RASAL2: variants seen among roughly 807,000 people sequenced by gnomAD.
The protein encoded by RASAL2 is RAS protein activator like 2, also known as ras GTPase-activating protein nGAP.
Under a neutral mutation model 128.9 loss-of-function variants are expected in RASAL2, and 58 were observed. The ratio of observed to expected loss-of-function variants is 0.45; its 90% CI spans 0.36 to 0.56. RASAL2 has a LOEUF of 0.56. Ranked by LOEUF, RASAL2 falls within the 20% of genes least tolerant of loss-of-function variation. The pLI, the probability that RASAL2 is intolerant of heterozygous loss-of-function variation, is 0.00. For missense variants in RASAL2, 1,360 were observed against 1,601.6 expected, an observed-to-expected ratio of 0.85 and a Z score of 2.57; for synonymous variants, 561 against 580.8, an observed-to-expected ratio of 0.97 and a Z score of 0.49.
At chr1:178,298,594 A>T (rs1030840210) in intron 2 of RASAL2, among the ~76,000 whole-genome samples, 4 of 152,196 alleles carry the variant, frequency 2.6e-5, no homozygotes, top group African/African-American at 9.7e-5. Flanking sequence ...TACCTGTCCT[A>T]CTTTTGCTGG....
intron 1 of RASAL2, among the ~76,000 whole-genome samples, chr1:178,259,875 C>T (rs954583654): frequency 1.3e-5 from 2 of 152,076 alleles, no homozygotes; most frequent in Admixed American, 6.5e-5. Flanking sequence ...GTTTTGATAT[C>T]ACTAGTGATG....
intron 3 of RASAL2, among the ~76,000 whole-genome samples, chr1:178,371,322 C>CCACACACACACACA (rs370972772): frequency 0.054 from 6,725 of 124,266 alleles, 200 homozygotes; most frequent in South Asian, 0.089. Context: ...GCCTTCTTTC[C>CCACACACACACACA]CACACACACA....
Position 178,341,603 on chromosome 1 carries a change from C to A in RASAL2, c.457+41485C>A, listed in dbSNP as rs149565927. The A allele has an allele frequency of 6.3e-5, 102 of 1,613,900 alleles. No individual in the cohort carries two copies. In the African/African-American group the frequency reaches 1.3e-3, roughly 21 times the overall value. ...ACCCAGAAACTTCACACGATGCAGACCCCAGGTAAGAGTTTGTAGAGTCTG... is the reference window on the plus strand; with the variant it reads ...ACCCAGAAACTTCACACGATGCAGAACCCAGGTAAGAGTTTGTAGAGTCTG... On this transcript the variant is annotated intron_variant, in intron 3 of 17. Coordinates refer to ENST00000367649, the MANE Select transcript of RASAL2 (RefSeq NM_170692.4).
Position 178,255,644 on chromosome 1 carries a change from A to G in RASAL2, c.203-27920A>G, listed in dbSNP as rs74128896. Among the ~76,000 whole-genome samples the G allele has an allele frequency of 5.5e-3, 844 of 152,232 alleles. 11 individuals are homozygous for G. Among genetic ancestry groups the G allele is most frequent in the African/African-American group, 0.019 (792 of 41,584 alleles). ...TTAGAACAAATCTGAAGATGATTCT[A>G]GTGAGATATGTATGGTAAGCCATAG... On this transcript the variant is annotated intron_variant, in intron 1 of 17. Coordinates refer to ENST00000367649, the MANE Select transcript of RASAL2 (RefSeq NM_170692.4).
intron 5 of RASAL2, among the ~76,000 whole-genome samples, chr1:178,423,895 T>C (rs1032781142): frequency 6.6e-6 from 1 of 152,160 alleles, no homozygotes; most frequent in African/African-American, 2.4e-5. Flanking sequence ...AGTAAGCCAC[T>C]ACTATGCATG....
At chr1:178,318,640 T>G (rs1468110435) in intron 3 of RASAL2, among the ~76,000 whole-genome samples, 1 of 151,476 alleles carries the variant, frequency 6.6e-6, no homozygotes, top group African/African-American at 2.4e-5. Context: ...GTTTTCCATT[T>G]GCTTGGTAGA....
intron 3 of RASAL2, among the ~76,000 whole-genome samples, chr1:178,362,209 T>C (rs1179565373): frequency 6.6e-6 from 1 of 152,174 alleles, no homozygotes; most frequent in African/African-American, 2.4e-5. Flanking sequence ...TGATTTAAAG[T>C]ACATGGAAGG....
At chr1:178,289,128 A>C (rs1667164674) in intron 2 of RASAL2, among the ~76,000 whole-genome samples, 1 of 152,144 alleles carries the variant, frequency 6.6e-6, no homozygotes, top group Admixed American at 6.5e-5. Context: ...TCACTGCCAG[A>C]ATTGTGCTTG....
intron 1 of RASAL2, among the ~76,000 whole-genome samples, chr1:178,155,112 C>T (rs933695062): frequency 4.6e-5 from 7 of 152,044 alleles, no homozygotes; most frequent in East Asian, 1.9e-4. Flanking sequence ...CGTGAGCCAC[C>T]GCGCCTGGCC....
chr1:178,314,165 G>A (rs1015309844), intron 3 of RASAL2, among the ~76,000 whole-genome samples: 9 of 152,080 alleles, frequency 5.9e-5, no homozygotes, highest in African/African-American at 2.2e-4. Flanking sequence ...ATTCCACATA[G>A]GTCTCTTGTA....
chr1:178,424,208 A>T (rs746089743), intron 5 of RASAL2, among the ~76,000 whole-genome samples: 5 of 151,944 alleles, frequency 3.3e-5, no homozygotes, highest in Non-Finnish European at 7.4e-5. Context: ...GAAATCTTCA[A>T]AGTGTTGTGG....
intron 1 of RASAL2, among the ~76,000 whole-genome samples, chr1:178,199,570 G>C (rs1394535093): frequency 6.6e-6 from 1 of 152,212 alleles, no homozygotes; most frequent in Non-Finnish European, 1.5e-5. Flanking sequence ...GTTAAATGCT[G>C]ATAAATTCAT....
chr1:178,396,684 A>G (rs1673252484), intron 4 of RASAL2, among the ~76,000 whole-genome samples: 1 of 152,140 alleles, frequency 6.6e-6, no homozygotes, highest in South Asian at 2.1e-4. Flanking sequence ...CAATGCCAGT[A>G]GCATTCCACT....
intron 4 of RASAL2, among the ~76,000 whole-genome samples, chr1:178,396,562 A>T (rs548675170): frequency 7.9e-5 from 12 of 152,008 alleles, no homozygotes; most frequent in Non-Finnish European, 1.6e-4. Context: ...AAATATATAT[A>T]TATATTTTGG....
intron 1 of RASAL2, among the ~76,000 whole-genome samples, chr1:178,227,475 A>T (rs1663835521): frequency 6.6e-6 from 1 of 152,198 alleles, no homozygotes; most frequent in South Asian, 2.1e-4. Context: ...ACTTTGTAAA[A>T]ATCCCCTTAC....
chr1:178,444,564 A>G (rs1676870945), intron 8 of RASAL2, among the ~76,000 whole-genome samples: 1 of 152,234 alleles, frequency 6.6e-6, no homozygotes, highest in Non-Finnish European at 1.5e-5. Context: ...ATATGATGTT[A>G]TCACATTCAA....
chr1:178,451,478 A>G, intron 9 of RASAL2, 93 bp from the exon 10 acceptor site: 2 of 1,318,040 alleles, frequency 1.5e-6, no homozygotes, highest in Admixed American at 2.4e-5. Flanking sequence ...AGAATTCCCC[A>G]TTATACGTTT....
chr1:178,115,614 G>A (rs1239495036), intron 1 of RASAL2, among the ~76,000 whole-genome samples: 1 of 152,258 alleles, frequency 6.6e-6, no homozygotes, highest in East Asian at 1.9e-4. Context: ...CAGATAGTGA[G>A]AGGGTACATG....
intron 1 of RASAL2, among the ~76,000 whole-genome samples, chr1:178,150,478 G>A (rs1308970410): frequency 1.3e-5 from 2 of 152,058 alleles, no homozygotes; most frequent in Admixed American, 6.5e-5. Flanking sequence ...GATCCACTGC[G>A]CTCTTGGCCT....
Sources: gnomAD v4.1 joint callset for allele counts (sites outside exome capture counted in the v4.1 genomes callset) on GRCh38, gnomAD v4.1.1 for gene constraint, MANE v1.5 for transcripts, NCBI Gene and HGNC (gene_info 2026-07-23, HGNC 2026-07-21) for gene names.